CTNNB1: variants seen among roughly 807,000 people sequenced by gnomAD.
CTNNB1 encodes the protein catenin beta 1.
In CTNNB1, 6 loss-of-function variants were observed where a neutral mutation model predicts 82.5. The observed-to-expected ratio is 0.07, with a 90% confidence interval of 0.04 to 0.14. The LOEUF is 0.14. CTNNB1 is among the 10% of genes least tolerant of loss of function. CTNNB1 has a pLI of 1.00. For synonymous variants in CTNNB1, 312 were observed against 329.7 expected (o/e 0.95, Z 0.58); for missense variants, 529 against 980.4 (o/e 0.54, Z 6.15).
rs2078147295 is a variant in CTNNB1, at chr3:41,225,282, C to T, written c.496-52C>T. The stretch of plus-strand genomic sequence containing the variant: ...AAGGGGAGTAGTTTCAGAATGTCTA[C>T]CCAATACCAGTACTTGAAAACTAAC... On this transcript the variant is annotated intron_variant, in intron 4 of 14. Coordinates refer to ENST00000349496, the MANE Select transcript of CTNNB1 (RefSeq NM_001904.4). This position sits in a 1 kb window ranked among gnomAD's most constrained non-coding sequence, Gnocchi z 5.3. 1.2e-6 allele frequency: 2 copies of T among 1,613,514 alleles called. No individual in the cohort carries two copies. Among genetic ancestry groups the T allele is most frequent in the Middle Eastern group, 3.3e-4 (2 of 6,062 alleles).
chr3:41,227,182 C>T lies in CTNNB1; in HGVS notation c.937-26C>T, dbSNP rs760070254. 26 of 1,559,326 alleles carry T rather than the reference C, an allele frequency of 1.7e-5. No individual in the cohort carries two copies. The East Asian group carries it at 5.6e-4, about 34-fold the overall frequency. ...CATGTGATCAAGATTCCTTGACTAA[C>T]AAGATATATATATATATCTTTCTAG... On this transcript the variant is annotated intron_variant, in intron 6 of 14. Transcript: ENST00000349496.
chr3:41,234,404 G>A, intron 10 of CTNNB1, 107 bp downstream of exon 10: 1 of 1,101,704 alleles, frequency 9.1e-7, no homozygotes, highest in Non-Finnish European at 1.4e-6. Context: ...CCGTCTTCCT[G>A]AAGAGCTAAT....
rs2125621290 is a variant in CTNNB1, at chr3:41,225,202, G to C, written c.490G>C (p.Asp164His). Residue 164 changes from aspartate (D) to histidine (H), a missense_variant, in exon 4 of 15, where the codon GAC (aspartate) becomes CAC (histidine). Physicochemically the swap from Asp to His is moderately conservative, Grantham distance 81. Transcript: ENST00000349496. This position sits in a 1 kb window ranked among gnomAD's most constrained non-coding sequence, Gnocchi z 5.3. ...PELTKLLNDE[D>H]QVVVNKAAVM... is the part of the protein sequence containing the mutation. The stretch of plus-strand genomic sequence containing the variant: ...ACTGACAAAACTGCTAAATGACGAG[G>C]ACCAGGTAAGCAATGACATAGCTAG... 1 of 1,614,030 alleles carries C rather than the reference G, an allele frequency of 6.2e-7. No individual in the cohort carries two copies. The highest frequency in any genetic ancestry group is 8.5e-7 in the Non-Finnish European group (1 of 1,179,972).
At chr3:41,203,076 G>A (rs2077570890) in intron 1 of CTNNB1, among the ~76,000 whole-genome samples, 1 of 138,970 alleles carries the variant, frequency 7.2e-6, no homozygotes, top group African/African-American at 2.7e-5. Context: ...CATCTCTTCT[G>A]TTAAGAGACA....
chr3:41,234,065 T>C, intron 9 of CTNNB1, 74 bp from the exon 10 acceptor site: 18 of 1,587,574 alleles, frequency 1.1e-5, no homozygotes, highest in South Asian at 1.0e-4. Context: ...CCAATAGATT[T>C]AGTGTGGTGG....
chr3:41,231,476 A>G (rs559194423), intron 7 of CTNNB1, among the ~76,000 whole-genome samples: 5 of 152,308 alleles, frequency 3.3e-5, no homozygotes, highest in South Asian at 2.1e-4. Context: ...CTAGGTTCCT[A>G]TAAGATAGTT....
intron 7 of CTNNB1, among the ~76,000 whole-genome samples, chr3:41,228,611 A>G (rs1352311310): frequency 6.6e-6 from 1 of 152,194 alleles, no homozygotes; most frequent in African/African-American, 2.4e-5. Context: ...AACTCTGGAT[A>G]TTAGACCTTT....
chr3:41,209,727 A>G (rs1199302519), intron 1 of CTNNB1, among the ~76,000 whole-genome samples: 1 of 152,226 alleles, frequency 6.6e-6, no homozygotes, highest in Admixed American at 6.5e-5. Context: ...ATTTTTATCT[A>G]AACGTATTGA....
intron 1 of CTNNB1, chr3:41,221,898 T>G (rs1438092875): frequency 6.6e-6 from 1 of 152,200 alleles, no homozygotes; most frequent in Non-Finnish European, 1.5e-5. Context: ...TTTTTTGTCT[T>G]TGTCATTTTT....
rs756875168 is a variant in CTNNB1, at chr3:41,239,169, G to A, written c.2173G>A (p.Gly725Ser). ...SYRSFHSGGY[G>S]QDALGMDPMM... is the part of the protein sequence containing the mutation. ...TCGTTCTTTTCACTCTGGTGGATAT[G>A]GCCAGGATGCCTTGGGTATGGACCC... is the stretch of plus-strand genomic sequence containing the variant. Residue 725 changes from glycine (G) to serine (S), a missense_variant, in exon 15 of 15, where the codon GGC (glycine) becomes AGC (serine). By Grantham distance (56) the Gly-to-Ser change is moderately conservative (BLOSUM62 0). Coordinates refer to ENST00000349496, the MANE Select transcript of CTNNB1 (RefSeq NM_001904.4). The A allele has an allele frequency of 3.1e-6, 5 of 1,614,156 alleles. No homozygotes were observed. In the Admixed American group the frequency reaches 6.7e-5, roughly 22 times the overall value.
intron 1 of CTNNB1, among the ~76,000 whole-genome samples, chr3:41,207,542 C>T (rs1575286699): frequency 6.6e-6 from 1 of 152,256 alleles, no homozygotes; most frequent in Middle Eastern, 3.4e-3. Context: ...TCTGTCTTTA[C>T]AATGAAGGAA....
At chr3:41,232,448 C>T (rs2078332698) in intron 7 of CTNNB1, among the ~76,000 whole-genome samples, 1 of 151,964 alleles carries the variant, frequency 6.6e-6, no homozygotes, top group Admixed American at 6.6e-5. Flanking sequence ...TGCAGGGTAC[C>T]ATAAGAATTA....
chr3:41,239,086 C>T (rs745661647), intron 14 of CTNNB1, 48 bp from the exon 15 acceptor site: 23 of 1,495,168 alleles, frequency 1.5e-5, no homozygotes, highest in Non-Finnish European at 1.5e-5. Flanking sequence ...TCTCCTCTCT[C>T]TTTTGCCTTC....
chr3:41,203,899 G>C (rs1201503630), intron 1 of CTNNB1, among the ~76,000 whole-genome samples: 1 of 152,118 alleles, frequency 6.6e-6, no homozygotes, highest in Non-Finnish European at 1.5e-5. Context: ...GTCAGCATAT[G>C]GAAATTTTTC....
In CTNNB1 at chr3:41,233,321, T is replaced by C. The variant is rs2078355638; in HGVS notation, c.1082-20T>C. 2 of 1,608,254 alleles carry C rather than the reference T, an allele frequency of 1.2e-6. No homozygotes were observed. The highest frequency in any genetic ancestry group is 1.7e-6 in the Non-Finnish European group (2 of 1,174,624). ...CTTCTAGCTAATGACTAGGGCCTTA[T>C]ATCCTTTTTAATTTTCTAGGTGGAA... On this transcript the variant is annotated intron_variant, in intron 7 of 14. Coordinates refer to ENST00000349496, the MANE Select transcript of CTNNB1 (RefSeq NM_001904.4).
In CTNNB1 at chr3:41,225,907, C is replaced by T. The variant is rs2125625219; in HGVS notation, c.936+46C>T. On this transcript the variant is annotated intron_variant, in intron 6 of 14. Transcript: ENST00000349496. The surrounding 1 kb of genome is among the most constrained non-coding windows in gnomAD (Gnocchi z 5.3). The stretch of plus-strand genomic sequence containing the variant: ...GTGGTTTTCATGGAGCATTGGACAC[C>T]TCCAGTGTCATGTCATTCCATGCAG... 6.5e-7 allele frequency: 1 copy of T among 1,534,532 alleles called. No homozygotes were observed. The highest frequency in any genetic ancestry group is 1.1e-5 in the South Asian group (1 of 88,372).
At chr3:41,221,059 A>G (rs1441791294) in intron 1 of CTNNB1, 3 of 152,224 alleles carry the variant, frequency 2.0e-5, no homozygotes, top group Non-Finnish European at 4.4e-5. Context: ...AGATGCATGG[A>G]TGCATTAGAC....
Position 41,199,679 on chromosome 3 carries a change from G to A in CTNNB1, c.-49+9G>A, listed in dbSNP as rs1331835546. 1.3e-5 allele frequency: 2 copies of A among 152,076 alleles called. No individual in the cohort carries two copies. Among genetic ancestry groups the A allele is most frequent in the African/African-American group, 4.8e-5 (2 of 41,418 alleles). The allele number at this position is 152,076 out of a possible 1,614,324, so 9.4% of individuals were successfully genotyped here. On this transcript the variant is annotated intron_variant, in intron 1 of 14. Coordinates refer to ENST00000349496, the MANE Select transcript of CTNNB1 (RefSeq NM_001904.4). ...GAGCCTGTTCCCCTGAGGTGCTTGGGCGCTCCTTTCCTTATCCTTCCGGGG... is the reference window on the plus strand; with the variant it reads ...GAGCCTGTTCCCCTGAGGTGCTTGGACGCTCCTTTCCTTATCCTTCCGGGG...
rs1371429108 is a variant in CTNNB1 at position 41,239,678 on chromosome 3, C to G, written c.*336C>G. 4 of 434,014 alleles carry G rather than the reference C, an allele frequency of 9.2e-6. No homozygotes were observed. Among genetic ancestry groups the G allele is most frequent in the Non-Finnish European group, 1.7e-5 (4 of 233,052 alleles). 26.9% of individuals were successfully genotyped at this position (434,014 alleles called of 1,614,324 possible). On this transcript the variant is annotated 3_prime_UTR_variant, in exon 15 of 15. Transcript: ENST00000349496. ...TATACAGCTGTATTGTCTGAACTTG[C>G]ATTGTGATTGGCCTGTAGAGTTGCT...
Sources: allele counts gnomAD v4.1 joint callset (sites outside exome capture counted in the v4.1 genomes callset), GRCh38; gene constraint gnomAD v4.1.1; non-coding constraint Gnocchi (gnomAD v3.1); transcripts MANE v1.5; gene names NCBI Gene and HGNC (gene_info 2026-07-23, HGNC 2026-07-21).